TET1: variants seen among roughly 807,000 people sequenced by gnomAD.
TET1 encodes the protein methylcytosine dioxygenase TET1.
A neutral mutation model predicts 148.7 loss-of-function variants in TET1; 13 were observed. That is an observed-to-expected ratio of 0.09 (90% CI 0.06 to 0.14). TET1 has a LOEUF of 0.14. Among genes scored for constraint, TET1 ranks in the 10% least tolerant of loss-of-function variants. TET1 has a pLI of 1.00. For missense variants in TET1, 2,182 were observed against 2,553.8 expected (o/e 0.85, Z 3.14); for synonymous variants, 907 against 937.2 (o/e 0.97, Z 0.59).
intron 8 of TET1, among the ~76,000 whole-genome samples, chr10:68,680,696 T>C (rs1772130796): frequency 6.6e-6 from 1 of 152,260 alleles, no homozygotes; most frequent in African/African-American, 2.4e-5. Flanking sequence ...TCTCTATCAG[T>C]AGCAATCCAG....
Position 68,686,727 on chromosome 10 carries a change from G to A in TET1, c.5404+20G>A. The A allele has an allele frequency of 1.3e-6, 2 of 1,593,642 alleles. No homozygotes were observed. The highest frequency in any genetic ancestry group is 1.7e-6 in the Non-Finnish European group (2 of 1,169,010). On this transcript the variant is annotated intron_variant, in intron 11 of 11. Coordinates refer to ENST00000373644, the MANE Select transcript of TET1 (RefSeq NM_030625.3). ...CCTTAGGTGAGCCCTATGGAACCTG[G>A]TAATCTCTGCACAACTTTGATGGAT...
intron 3 of TET1, among the ~76,000 whole-genome samples, chr10:68,603,337 G>A (rs563937204): frequency 7.9e-5 from 12 of 152,264 alleles, no homozygotes; most frequent in African/African-American, 1.2e-4. Flanking sequence ...AGTTGGATAC[G>A]TGAAGAACCT....
chr10:68,624,027 C>A (rs1044546778), intron 3 of TET1, among the ~76,000 whole-genome samples: 2 of 146,650 alleles, frequency 1.4e-5, no homozygotes, highest in Non-Finnish European at 3.0e-5. Flanking sequence ...CTGCCTCCCC[C>A]ATTTGTGAAA....
chr10:68,659,996 A>G (rs1235100371), intron 6 of TET1, among the ~76,000 whole-genome samples: 1 of 152,218 alleles, frequency 6.6e-6, no homozygotes, highest in Non-Finnish European at 1.5e-5. Context: ...GTTGGCCACT[A>G]TAATTTTGTT....
intron 4 of TET1, among the ~76,000 whole-genome samples, chr10:68,648,872 T>C (rs907739127): frequency 6.6e-6 from 1 of 152,148 alleles, no homozygotes; most frequent in Non-Finnish European, 1.5e-5. Context: ...CTCAGCTTCC[T>C]AAAGTGCTGG....
At chr10:68,597,631 C>T (rs1387675086) in intron 2 of TET1, among the ~76,000 whole-genome samples, 4 of 152,172 alleles carry the variant, frequency 2.6e-5, no homozygotes, top group Non-Finnish European at 4.4e-5. Flanking sequence ...GTGTATACTA[C>T]TTGTATACCT....
intron 3 of TET1, 80 bp downstream of exon 3, chr10:68,601,114 G>C: frequency 8.0e-7 from 1 of 1,246,740 alleles, no homozygotes; most frequent in Non-Finnish European, 1.1e-6. Flanking sequence ...TATATTTGGA[G>C]TACAGTATAT....
At chr10:68,634,161 T>G (rs977567624) in intron 3 of TET1, among the ~76,000 whole-genome samples, 1 of 152,202 alleles carries the variant, frequency 6.6e-6, no homozygotes, top group Non-Finnish European at 1.5e-5. Context: ...CTGGCTGGCA[T>G]TACAGGCATG....
intron 3 of TET1, among the ~76,000 whole-genome samples, chr10:68,614,612 G>T (rs1254797525): frequency 1.3e-5 from 2 of 152,104 alleles, no homozygotes; most frequent in Non-Finnish European, 2.9e-5. Flanking sequence ...CACCTCTTAG[G>T]TTCAAGCGAT....
intron 10 of TET1, 74 bp from the exon 11 acceptor site, chr10:68,686,282 C>G (rs899535906): frequency 6.2e-6 from 8 of 1,293,292 alleles, no homozygotes; most frequent in Non-Finnish European, 7.5e-6. Context: ...GGCAACAACA[C>G]GAAGGTAGGA....
At chr10:68,657,620 G>A (rs2055044846) in intron 6 of TET1, among the ~76,000 whole-genome samples, 1 of 152,172 alleles carries the variant, frequency 6.6e-6, no homozygotes, top group South Asian at 2.1e-4. Flanking sequence ...GTAACGGAAT[G>A]AGCCCTGCCT....
At chr10:68,673,960 C>CTTTTTTTTTTTTTTTTTTTTTTTT in intron 8 of TET1, among the ~76,000 whole-genome samples, 1 of 72,400 alleles carries the variant, frequency 1.4e-5, no homozygotes, top group South Asian at 4.2e-4. Context: ...TTTTCTTTTT[C>CTTTTTTTTTTTTTTTTTTTTTTTT]TTTTTTTTTT....
chr10:68,593,454 A>G (rs1333966781), intron 2 of TET1, among the ~76,000 whole-genome samples: 2 of 151,918 alleles, frequency 1.3e-5, no homozygotes, highest in African/African-American at 2.4e-5. Flanking sequence ...TAATTTTTTC[A>G]CTTTTTATGA....
At chr10:68,632,873 T>G in intron 3 of TET1, 1 of 735,826 alleles carries the variant, frequency 1.4e-6, no homozygotes, top group Non-Finnish European at 2.2e-6. Flanking sequence ...AAAATTGTCT[T>G]AAGAAAACCA....
At chr10:68,611,937 A>G (rs964250845) in intron 3 of TET1, among the ~76,000 whole-genome samples, 1 of 151,512 alleles carries the variant, frequency 6.6e-6, no homozygotes, top group Non-Finnish European at 1.5e-5. Flanking sequence ...GAGGAAGGGG[A>G]AAAGAAAATA....
intron 1 of TET1, among the ~76,000 whole-genome samples, chr10:68,563,862 A>G (rs1355576096): frequency 1.3e-5 from 2 of 151,982 alleles, no homozygotes; most frequent in African/African-American, 4.8e-5. Context: ...TTGTATTTTT[A>G]GTAGAGATGG....
At chr10:68,608,401 A>G (rs865939227) in intron 3 of TET1, among the ~76,000 whole-genome samples, 38 of 150,900 alleles carry the variant, frequency 2.5e-4, no homozygotes, top group African/African-American at 8.8e-4. Context: ...ATGCCTGGCT[A>G]ATTTTCTTTA....
chr10:68,640,431 T>A (rs1014419619), intron 3 of TET1, among the ~76,000 whole-genome samples: 2 of 151,238 alleles, frequency 1.3e-5, no homozygotes, highest in Non-Finnish European at 2.9e-5. Context: ...GTCCAGCTAA[T>A]TTTTTTATTT....
At chr10:68,688,032 C>T (rs2055538892) in intron 11 of TET1, among the ~76,000 whole-genome samples, 1 of 152,058 alleles carries the variant, frequency 6.6e-6, no homozygotes, top group African/African-American at 2.4e-5. Context: ...ACTCTGGGAT[C>T]CCATGGGAAC....
Sources: allele counts gnomAD v4.1 joint callset (sites outside exome capture counted in the v4.1 genomes callset), GRCh38; gene constraint gnomAD v4.1.1; transcripts MANE v1.5; gene names NCBI Gene and HGNC (gene_info 2026-07-23, HGNC 2026-07-21).